The following APLF variants were observed in gnomAD, a reference collection of about 807,000 sequenced individuals.
APLF encodes the protein aprataxin and PNKP like factor.
Under a neutral mutation model 55.6 loss-of-function variants are expected in APLF, and 61 were observed. The ratio of observed to expected loss-of-function variants is 1.10; its 90% CI spans 0.89 to 1.36. APLF has a LOEUF of 1.36. Ranked by LOEUF, APLF falls within the 40% of genes most tolerant of loss-of-function variation. The pLI is 0.00. For missense variants in APLF, 611 were observed against 602.5 expected (o/e 1.01, Z -0.15); for synonymous variants, 207 against 214.8 (o/e 0.96, Z 0.32).
At chr2:68,530,604 A>G (rs1337455151) in intron 6 of APLF, among the ~76,000 whole-genome samples, 1 of 152,250 alleles carries the variant, frequency 6.6e-6, no homozygotes, top group Non-Finnish European at 1.5e-5. Flanking sequence ...GAAAGCAAAT[A>G]CATTATTTAC....
chr2:68,518,344 A>T (rs1280376998), intron 5 of APLF, among the ~76,000 whole-genome samples: 10 of 113,156 alleles, frequency 8.8e-5, no homozygotes, highest in Non-Finnish European at 1.6e-4. Flanking sequence ...ATAAATAATT[A>T]TATATTAATA....
At position 68,578,730 on chromosome 2, in the gene APLF, C is replaced by G. The variant is rs1238364070; in HGVS notation, c.*708C>G. 1.0e-6 allele frequency: 1 copy of G among 984,886 alleles called. No homozygotes were observed. The highest frequency in any genetic ancestry group is 1.2e-6 in the Non-Finnish European group (1 of 829,754). The allele number at this position is 984,886 out of a possible 1,614,324, so 61.0% of individuals were successfully genotyped here. Reference sequence around the variant, plus strand: ...TTGACCTTTTTTTTCAAACTAAAGTCCTAGCTGATTATTTTAACTCTCAGT... The same window carrying G: ...TTGACCTTTTTTTTCAAACTAAAGTGCTAGCTGATTATTTTAACTCTCAGT... On this transcript the variant is annotated 3_prime_UTR_variant, in exon 10 of 10. Transcript: ENST00000303795.
chr2:68,561,187 A>T (rs559822354), intron 8 of APLF, among the ~76,000 whole-genome samples: 1 of 152,260 alleles, frequency 6.6e-6, no homozygotes, highest in South Asian at 2.1e-4. Flanking sequence ...TAAAATGCTT[A>T]ATAGCATGCA....
At chr2:68,550,554 T>C (rs1161188360) in intron 8 of APLF, among the ~76,000 whole-genome samples, 1 of 152,158 alleles carries the variant, frequency 6.6e-6, no homozygotes, top group African/African-American at 2.4e-5. Flanking sequence ...ATACTATTAA[T>C]GATATATTTT....
chr2:68,515,374 G>A (rs1236930278), intron 5 of APLF, among the ~76,000 whole-genome samples: 3 of 151,608 alleles, frequency 2.0e-5, no homozygotes, highest in Non-Finnish European at 4.4e-5. Flanking sequence ...GAATTGTAGT[G>A]GGGAGGGGCA....
At chr2:68,500,956 T>G (rs1244509082) in intron 2 of APLF, among the ~76,000 whole-genome samples, 1 of 152,202 alleles carries the variant, frequency 6.6e-6, no homozygotes, top group Non-Finnish European at 1.5e-5. Context: ...GGTGAAAGAT[T>G]TCTAAACATT....
At chr2:68,540,897 A>G (rs1159578265) in intron 7 of APLF, among the ~76,000 whole-genome samples, 1 of 152,186 alleles carries the variant, frequency 6.6e-6, no homozygotes, top group Non-Finnish European at 1.5e-5. Flanking sequence ...TTACATGACC[A>G]GATAGAAAGC....
chr2:68,577,798 G>A, intron 9 of APLF, 22 bp from the exon 10 acceptor site: 1 of 1,612,172 alleles, frequency 6.2e-7, no homozygotes. Flanking sequence ...GATGTGTTGT[G>A]TACCAATCTT....
At chr2:68,499,313 G>GT (rs1676649309) in intron 2 of APLF, among the ~76,000 whole-genome samples, 1 of 152,132 alleles carries the variant, frequency 6.6e-6, no homozygotes, top group South Asian at 2.1e-4. Context: ...GTGAGGTTGG[G>GT]TTTGCCAATA....
In APLF at chr2:68,529,447, G is replaced by A. The variant is rs905455387; in HGVS notation, c.804+3205G>A. ...TGCGGCGGAACCAGGAACAAAATAC[G>A]CTTAGTGAGTTGTCCATTTTGAGCG... On this transcript the variant is annotated intron_variant, in intron 6 of 9. Coordinates refer to ENST00000303795, the MANE Select transcript of APLF (RefSeq NM_173545.3). The surrounding 1 kb of genome is among the most constrained non-coding windows in gnomAD (Gnocchi z 4.4). The A allele has an allele frequency of 3.3e-5, 38 of 1,168,654 alleles. No individual in the cohort carries two copies. In the African/African-American group the frequency reaches 3.9e-4, roughly 12 times the overall value. The allele number at this position is 1,168,654 out of a possible 1,614,324, so 72.4% of individuals were successfully genotyped here.
intron 6 of APLF, among the ~76,000 whole-genome samples, chr2:68,536,357 A>G (rs1473974308): frequency 2.0e-5 from 3 of 152,194 alleles, no homozygotes; most frequent in Non-Finnish European, 4.4e-5. Context: ...TTTCTTAAAA[A>G]ATGAAATATC....
At chr2:68,568,736 G>A (rs1400008919) in intron 9 of APLF, among the ~76,000 whole-genome samples, 1 of 152,004 alleles carries the variant, frequency 6.6e-6, no homozygotes, top group African/African-American at 2.4e-5. Context: ...CTGAATTTTT[G>A]TTGAAAAATT....
In APLF at chr2:68,469,613, A is replaced by T. The variant is rs72900055; in HGVS notation, c.96+1786A>T. ...ACATCCTAAGTGTGTTAAAGGAAAA[A>T]TTTGGAGAACAAACAAATCGCCTTG... On this transcript the variant is annotated intron_variant, in intron 1 of 9. Transcript: ENST00000303795. 4.2e-3 allele frequency among the ~76,000 whole-genome samples: 643 copies of T among 152,324 alleles called. 5 individuals are homozygous for T. Among genetic ancestry groups the T allele is most frequent in the African/African-American group, 0.015 (617 of 41,572 alleles).
chr2:68,521,495 C>T (rs144611255), intron 5 of APLF, among the ~76,000 whole-genome samples: 124 of 151,860 alleles, frequency 8.2e-4, no homozygotes, highest in African/African-American at 2.7e-3. Flanking sequence ...GTTTCTTAGG[C>T]CTGGGCTAAA....
intron 8 of APLF, chr2:68,563,357 T>C: frequency 1.4e-5 from 14 of 982,936 alleles, no homozygotes; most frequent in Non-Finnish European, 1.7e-5. Flanking sequence ...ACTTCTTTCA[T>C]AGTTATTTGC....
intron 6 of APLF, chr2:68,528,310 C>G: frequency 2.1e-6 from 3 of 1,428,328 alleles, no homozygotes; most frequent in Non-Finnish European, 2.9e-6. Flanking sequence ...TACTTAACAC[C>G]CTCATGTTCT....
chr2:68,554,398 G>GA (rs1294539683), intron 8 of APLF, among the ~76,000 whole-genome samples: 1 of 151,956 alleles, frequency 6.6e-6, no homozygotes, highest in Non-Finnish European at 1.5e-5. Flanking sequence ...AATTCAACAT[G>GA]AAAAAATGGT....
chr2:68,477,120 CAG>C lies in APLF; in HGVS notation c.96+9296_96+9297del, dbSNP rs1478875797. 5.3e-5 allele frequency among the ~76,000 whole-genome samples: 8 copies of C among 152,266 alleles called. No individual in the cohort carries two copies. The East Asian group carries it at 1.3e-3, about 26-fold the overall frequency. ...TTATCAAAACATACACACACAAACA[CAG>C]AGTGTACATAGTGCCATTTGCAGTT... is the stretch of plus-strand genomic sequence containing the variant. On this transcript the variant is annotated intron_variant, in intron 1 of 9. Coordinates refer to ENST00000303795, the MANE Select transcript of APLF (RefSeq NM_173545.3).
chr2:68,551,750 GCTT>G lies in APLF; in HGVS notation c.1286+6442_1286+6444del, dbSNP rs572886571. Among the ~76,000 whole-genome samples the G allele has an allele frequency of 1.6e-3, 235 of 144,672 alleles. 2 individuals are homozygous for G. Among genetic ancestry groups the G allele is most frequent in the Non-Finnish European group, 2.8e-3 (185 of 66,136 alleles). 94.9% of individuals were successfully genotyped at this position (144,672 alleles called of 152,430 possible). On this transcript the variant is annotated intron_variant, in intron 8 of 9. Transcript: ENST00000303795. Reference sequence around the variant, plus strand: ...TTTATGAACCAACATTTCTGGTTCTGCTTCTTTTTTTTTTTTCTTGATTGTTGG... The same window carrying G: ...TTTATGAACCAACATTTCTGGTTCTGCTTTTTTTTTTTTCTTGATTGTTGG...
Sources: gnomAD v4.1 joint callset for allele counts (sites outside exome capture counted in the v4.1 genomes callset) on GRCh38, gnomAD v4.1.1 for gene constraint, Gnocchi (gnomAD v3.1) non-coding constraint, MANE v1.5 for transcripts, NCBI Gene and HGNC (gene_info 2026-07-23, HGNC 2026-07-21) for gene names.